The following FHIT variants were observed in gnomAD, a reference collection of about 807,000 sequenced individuals.
FHIT encodes the protein bis(5'-adenosyl)-triphosphatase.
A neutral mutation model predicts 17.9 loss-of-function variants in FHIT; 19 were observed. The ratio of observed to expected loss-of-function variants is 1.06; its 90% CI spans 0.74 to 1.56. The LOEUF (loss-of-function observed/expected upper bound fraction) is 1.56, where lower values mean the gene tolerates loss of function less well. Ranked by LOEUF, FHIT falls within the 40% of genes most tolerant of loss-of-function variation. FHIT has a pLI of 0.00. For synonymous variants in FHIT, 81 were observed against 69.7 expected (o/e 1.16, Z -0.81); for missense variants, 248 against 189.2 (o/e 1.31, Z -1.82).
intron 8 of FHIT, among the ~76,000 whole-genome samples, chr3:59,906,811 G>C (rs1704604995): frequency 6.6e-6 from 1 of 152,166 alleles, no homozygotes; most frequent in East Asian, 1.9e-4. Context: ...CCAACATTTA[G>C]TGGAAATGTC....
chr3:60,640,339 T>C (rs2039696083), intron 4 of FHIT, among the ~76,000 whole-genome samples: 1 of 151,892 alleles, frequency 6.6e-6, no homozygotes, highest in Non-Finnish European at 1.5e-5. Context: ...CAAAGACAGA[T>C]CAAAAAGATA....
chr3:59,773,281 C>A (rs1702156694), intron 8 of FHIT, among the ~76,000 whole-genome samples: 1 of 152,142 alleles, frequency 6.6e-6, no homozygotes, highest in Non-Finnish European at 1.5e-5. Flanking sequence ...AATAAGCAGG[C>A]ACCTGCAAAA....
chr3:60,861,228 TG>T (rs372124983), intron 3 of FHIT, among the ~76,000 whole-genome samples: 137 of 18,876 alleles, frequency 7.3e-3, no homozygotes, highest in Non-Finnish European at 0.012. Flanking sequence ...ATGATATATA[TG>T]ATATATCATA....
At chr3:61,181,148 T>G (rs11917930) in intron 2 of FHIT, among the ~76,000 whole-genome samples, 34,579 of 152,040 alleles carry the variant, frequency 0.23, 5,010 homozygotes, top group East Asian at 0.72. Context: ...TTATCTGAAG[T>G]CAATTAATTG....
At chr3:59,761,224 G>C (rs544777479) in intron 8 of FHIT, among the ~76,000 whole-genome samples, 1 of 152,306 alleles carries the variant, frequency 6.6e-6, no homozygotes, top group South Asian at 2.1e-4. Context: ...TCGCCCAGTA[G>C]TTCTTTGCTT....
chr3:60,960,091 C>A (rs1484520929), intron 3 of FHIT, among the ~76,000 whole-genome samples: 4 of 151,730 alleles, frequency 2.6e-5, no homozygotes, highest in Admixed American at 6.6e-5. Context: ...TCACTGCTTT[C>A]CGAATTCCAA....
At chr3:61,217,614 A>T (rs928343647) in intron 1 of FHIT, among the ~76,000 whole-genome samples, 1 of 152,148 alleles carries the variant, frequency 6.6e-6, no homozygotes, top group Non-Finnish European at 1.5e-5. Context: ...AAAGAAAGAG[A>T]ACAACAGCCT....
chr3:60,655,385 C>G (rs1159256792), intron 4 of FHIT, among the ~76,000 whole-genome samples: 1 of 152,148 alleles, frequency 6.6e-6, no homozygotes, highest in Non-Finnish European at 1.5e-5. Flanking sequence ...TTACTAAAAA[C>G]AACAACGCAT....
intron 4 of FHIT, among the ~76,000 whole-genome samples, chr3:60,552,710 T>C (rs768343501): frequency 1.8e-4 from 28 of 152,192 alleles, no homozygotes; most frequent in Non-Finnish European, 3.1e-4. Context: ...GCTCCAGAGC[T>C]CTTTAGACAT....
intron 5 of FHIT, among the ~76,000 whole-genome samples, chr3:60,248,367 A>C (rs1193380471): frequency 6.6e-6 from 1 of 152,158 alleles, no homozygotes; most frequent in Non-Finnish European, 1.5e-5. Flanking sequence ...TGAAATAAGA[A>C]GCATTTACCT....
chr3:60,586,415 A>C (rs1431708106), intron 4 of FHIT, among the ~76,000 whole-genome samples: 4 of 152,054 alleles, frequency 2.6e-5, no homozygotes, highest in African/African-American at 7.2e-5. Context: ...TCAGCAAAGA[A>C]GTGTCAGCTG....
intron 5 of FHIT, among the ~76,000 whole-genome samples, chr3:60,278,231 G>A (rs1213330480): frequency 6.6e-6 from 1 of 152,166 alleles, no homozygotes; most frequent in Non-Finnish European, 1.5e-5. Context: ...TCATGGGGAA[G>A]TCTGGAGAAA....
intron 3 of FHIT, among the ~76,000 whole-genome samples, chr3:60,994,461 A>G (rs757393889): frequency 1.3e-5 from 2 of 152,242 alleles, no homozygotes; most frequent in Non-Finnish European, 2.9e-5. Flanking sequence ...CACCCTCCTG[A>G]GACAGAAATG....
chr3:60,722,707 C>CTTTTTTTT (rs1157024624), intron 4 of FHIT, among the ~76,000 whole-genome samples: 4 of 104,944 alleles, frequency 3.8e-5, no homozygotes, highest in African/African-American at 3.7e-5. Flanking sequence ...TACCTTAAAT[C>CTTTTTTTT]TTTTTTTTTT....
At chr3:61,026,446 T>C (rs999521345) in intron 3 of FHIT, among the ~76,000 whole-genome samples, 1 of 152,200 alleles carries the variant, frequency 6.6e-6, no homozygotes, top group East Asian at 1.9e-4. Flanking sequence ...GCTGTTACCA[T>C]GGCGCCTGGC....
chr3:60,653,350 A>C (rs1338465269), intron 4 of FHIT, among the ~76,000 whole-genome samples: 1 of 152,222 alleles, frequency 6.6e-6, no homozygotes, highest in Non-Finnish European at 1.5e-5. Context: ...ATAAATGCGT[A>C]AGTAAAAAAT....
intron 4 of FHIT, among the ~76,000 whole-genome samples, chr3:60,805,898 T>C (rs1174885514): frequency 6.6e-6 from 1 of 152,146 alleles, no homozygotes; most frequent in Non-Finnish European, 1.5e-5. Context: ...TTAAAAGTTG[T>C]CTCCAAATAC....
intron 5 of FHIT, among the ~76,000 whole-genome samples, chr3:60,094,953 T>C (rs1392898047): frequency 6.6e-6 from 1 of 152,184 alleles, no homozygotes; most frequent in Non-Finnish European, 1.5e-5. Context: ...AATTTTAGGA[T>C]TCATCCCTAG....
chr3:60,624,905 T>TG lies in FHIT; in HGVS notation c.-17-87927_-17-87926insC, dbSNP rs200551773. Among the ~76,000 whole-genome samples the TG allele has an allele frequency of 7.7e-3, 1,153 of 150,332 alleles. 23 individuals are homozygous for TG. Among genetic ancestry groups the TG allele is most frequent in the African/African-American group, 0.028 (1,114 of 40,260 alleles). ...TTTGGCTTGTTTCTAGTTTTTTTTTTTGTTTGTTTGTTTGTTTGTTTTTGA... is the reference window on the plus strand; with the variant it reads ...TTTGGCTTGTTTCTAGTTTTTTTTTTGTGTTTGTTTGTTTGTTTGTTTTTGA... On this transcript the variant is annotated intron_variant, in intron 4 of 9. Coordinates refer to ENST00000492590, the MANE Select transcript of FHIT (RefSeq NM_002012.4).
Sources: gnomAD v4.1 joint callset for allele counts (sites outside exome capture counted in the v4.1 genomes callset) on GRCh38, gnomAD v4.1.1 for gene constraint, MANE v1.5 for transcripts, NCBI Gene and HGNC (gene_info 2026-07-23, HGNC 2026-07-21) for gene names.